Variants in DLG2 observed in about 807,000 individuals in gnomAD.
DLG2 encodes discs large MAGUK scaffold protein 2.
In DLG2, 45 loss-of-function variants were observed where a neutral mutation model predicts 132.5. The observed-to-expected ratio is 0.34, with a 90% CI of 0.27 to 0.44. The LOEUF is 0.44. Among genes scored for constraint, DLG2 ranks in the 20% least tolerant of loss-of-function variants. The pLI is 1.00. For synonymous variants in DLG2, 424 were observed against 419.6 expected, an observed-to-expected ratio of 1.01 and a Z score of -0.13; for missense variants, 1,045 against 1,196.9, an observed-to-expected ratio of 0.87 and a Z score of 1.87.
chr11:83,489,185 C>T (rs2093698426), intron 21 of DLG2, among the ~76,000 whole-genome samples: 1 of 151,824 alleles, frequency 6.6e-6, no homozygotes, highest in Non-Finnish European at 1.5e-5. Context: ...ACTCCCAAAA[C>T]AAAACTCCCT....
At chr11:84,317,597 G>A (rs146640145) in intron 7 of DLG2, among the ~76,000 whole-genome samples, 381 of 152,286 alleles carry the variant, frequency 2.5e-3, no homozygotes, top group Non-Finnish European at 4.1e-3. Flanking sequence ...ATTCTTATGA[G>A]ATTAGTAGGA....
intron 7 of DLG2, among the ~76,000 whole-genome samples, chr11:84,376,255 T>C (rs1359504960): frequency 6.6e-6 from 1 of 152,082 alleles, no homozygotes. Flanking sequence ...AATGTCTTAT[T>C]ACCCATATTA....
chr11:83,503,530 A>C (rs888128205), intron 21 of DLG2, among the ~76,000 whole-genome samples: 4 of 151,260 alleles, frequency 2.6e-5, no homozygotes, highest in Admixed American at 1.3e-4. Context: ...CAAGCTGAAG[A>C]GAAAGGAGAG....
intron 5 of DLG2, among the ~76,000 whole-genome samples, chr11:85,152,464 C>T (rs565559947): frequency 5.9e-5 from 9 of 152,228 alleles, no homozygotes; most frequent in Admixed American, 1.3e-4. Context: ...GTCTCAAACT[C>T]GTGGCCTCAA....
intron 6 of DLG2, among the ~76,000 whole-genome samples, chr11:84,761,776 G>A (rs1008535621): frequency 4.6e-5 from 7 of 152,094 alleles, no homozygotes; most frequent in African/African-American, 7.2e-5. Context: ...CTGGCTTCCT[G>A]GCTCCTCAGC....
At chr11:85,374,161 C>A (rs543572131) in intron 3 of DLG2, among the ~76,000 whole-genome samples, 8 of 152,196 alleles carry the variant, frequency 5.3e-5, no homozygotes, top group African/African-American at 1.7e-4. Flanking sequence ...CCCAGTGGCT[C>A]TCTGGCCAGT....
chr11:85,173,644 A>C (rs566305143), intron 4 of DLG2, among the ~76,000 whole-genome samples: 1 of 152,316 alleles, frequency 6.6e-6, no homozygotes, highest in Admixed American at 6.5e-5. Flanking sequence ...CCTTAAAAAT[A>C]AATGGGCTAA....
At chr11:84,052,739 T>A (rs1042600585) in intron 11 of DLG2, among the ~76,000 whole-genome samples, 7 of 147,808 alleles carry the variant, frequency 4.7e-5, no homozygotes, top group African/African-American at 1.8e-4. Context: ...GAAAATGGAA[T>A]GCTTTTACAC....
At position 84,644,575 on chromosome 11, in the gene DLG2, G is replaced by A. The variant is rs182405795; in HGVS notation, c.358-109844C>T. On this transcript the variant is annotated intron_variant, in intron 6 of 27. Transcript: ENST00000376104. ...CAAAAAATTAGCCGGGCGTGGTGGC[G>A]GGCACCTGTAATCCCAGCTGCTTGG... Among the ~76,000 whole-genome samples, 214 of 151,894 alleles carry A rather than the reference G, an allele frequency of 1.4e-3. 1 individual carries two copies. Among genetic ancestry groups the A allele is most frequent in the African/African-American group, 4.4e-3 (183 of 41,408 alleles).
At chr11:85,147,970 T>C (rs1007291189) in intron 5 of DLG2, among the ~76,000 whole-genome samples, 1 of 152,144 alleles carries the variant, frequency 6.6e-6, no homozygotes, top group African/African-American at 2.4e-5. Context: ...GTTCTCATTG[T>C]ACAACTCCAG....
Position 83,823,755 on chromosome 11 carries a change from C to T in DLG2, c.1722+9859G>A, listed in dbSNP as rs80144135. Among the ~76,000 whole-genome samples, 172 of 152,286 alleles carry T rather than the reference C, an allele frequency of 1.1e-3. 2 individuals carry two copies. In the East Asian group the frequency reaches 0.027, roughly 24 times the overall value. On this transcript the variant is annotated intron_variant, in intron 17 of 27. Transcript: ENST00000376104. Reference sequence around the variant, plus strand: ...AGAGATGAATAAAACACAGTTTCATCCTCAAGGGAAGCTTCAAAGGATCTG... The same window carrying T: ...AGAGATGAATAAAACACAGTTTCATTCTCAAGGGAAGCTTCAAAGGATCTG...
At chr11:83,785,735 AAAC>A (rs2095030103) in intron 18 of DLG2, among the ~76,000 whole-genome samples, 1 of 152,252 alleles carries the variant, frequency 6.6e-6, no homozygotes. Context: ...TCAGTCTTCC[AAAC>A]AACAATAGAC....
chr11:84,856,187 C>T (rs765916916), intron 6 of DLG2, among the ~76,000 whole-genome samples: 26 of 152,010 alleles, frequency 1.7e-4, no homozygotes, highest in Non-Finnish European at 3.1e-4. Flanking sequence ...TCATTCTAAT[C>T]CTTCTTCGAA....
intron 5 of DLG2, among the ~76,000 whole-genome samples, chr11:85,138,156 A>G (rs773434673): frequency 1.6e-4 from 24 of 152,162 alleles, no homozygotes; most frequent in Non-Finnish European, 3.4e-4. Context: ...CCTAAATTTT[A>G]TGTCAGTTTT....
At chr11:84,249,210 G>C (rs1251627827) in intron 8 of DLG2, among the ~76,000 whole-genome samples, 1 of 152,176 alleles carries the variant, frequency 6.6e-6, no homozygotes, top group Admixed American at 6.5e-5. Context: ...CTGCTTACAT[G>C]CTTTGACAAT....
intron 8 of DLG2, among the ~76,000 whole-genome samples, chr11:84,222,563 G>A (rs975368835): frequency 6.6e-6 from 1 of 152,062 alleles, no homozygotes; most frequent in African/African-American, 2.4e-5. Context: ...TTCTGAGCAG[G>A]AAATTTTACA....
intron 4 of DLG2, among the ~76,000 whole-genome samples, chr11:85,218,663 C>A (rs926562267): frequency 6.6e-6 from 1 of 152,128 alleles, no homozygotes; most frequent in Non-Finnish European, 1.5e-5. Context: ...CTGAAGATTT[C>A]TCAAAGAACT....
At chr11:85,150,533 C>A (rs945665332) in intron 5 of DLG2, among the ~76,000 whole-genome samples, 2 of 152,044 alleles carry the variant, frequency 1.3e-5, no homozygotes, top group African/African-American at 2.4e-5. Context: ...TAGGCAACTA[C>A]CTCTCTACTT....
At chr11:85,149,207 G>A (rs1292605626) in intron 5 of DLG2, among the ~76,000 whole-genome samples, 2 of 152,058 alleles carry the variant, frequency 1.3e-5, no homozygotes, top group African/African-American at 4.8e-5. Context: ...TGTTCTTTTT[G>A]CTCAGGATTG....
Sources: gnomAD v4.1 joint callset for allele counts (sites outside exome capture counted in the v4.1 genomes callset) on GRCh38, gnomAD v4.1.1 for gene constraint, MANE v1.5 for transcripts, NCBI Gene and HGNC (gene_info 2026-07-23, HGNC 2026-07-21) for gene names.